DNAH1: variants seen among roughly 807,000 people sequenced by gnomAD.
DNAH1 encodes dynein axonemal heavy chain 1.
Under a neutral mutation model 484.3 loss-of-function variants are expected in DNAH1, and 327 were observed. The observed-to-expected ratio is 0.68, with a 90% CI of 0.62 to 0.74. DNAH1 has a LOEUF of 0.74. DNAH1 is among the 30% of genes least tolerant of loss of function. DNAH1 has a pLI of 0.00. For synonymous variants in DNAH1, 2,192 were observed against 2,191.9 expected (o/e 1.00, Z 0.00); for missense variants, 5,052 against 5,546.8 (o/e 0.91, Z 2.83).
rs1025157864 is a variant in DNAH1, at chr3:52,347,742, C to T, written c.1956-82C>T. On this transcript the variant is annotated intron_variant, in intron 11 of 77. Transcript: ENST00000420323. ...GCATGGAGAGGCTCAAGAGTCATAG[C>T]GCTGGCAGGAAGGGCAGAGGGCTGC... is the stretch of plus-strand genomic sequence containing the variant. 5.5e-5 allele frequency: 78 copies of T among 1,423,390 alleles called. 1 individual carries two copies. The highest frequency in any genetic ancestry group is 3.0e-4 in the Admixed American group (11 of 36,344). The allele number at this position is 1,423,390 out of a possible 1,614,324, so 88.2% of individuals were successfully genotyped here.
chr3:52,357,941 C>A lies in DNAH1; in HGVS notation c.4024C>A (p.Gln1342Lys), dbSNP rs1243160097. The A allele has an allele frequency of 6.2e-7, 1 of 1,613,160 alleles. No individual in the cohort carries two copies. The highest frequency in any genetic ancestry group is 1.3e-5 in the African/African-American group (1 of 74,942). Residue 1342 changes from glutamine (Q) to lysine (K), a missense_variant, in exon 24 of 78, where the codon CAG becomes AAG. Around this residue, in one of 4 missense-constraint regions of DNAH1, gnomAD observed 2,929 missense variants for 3,409.4 expected, o/e 0.86. Coordinates refer to ENST00000420323, the MANE Select transcript of DNAH1 (RefSeq NM_015512.5). ...TGATGAACTACTAGAGATCTTGTCG[C>A]AGACAAAGGACCCCACGGCCGTGCA... Reference protein sequence around the residue: ...SDDELLEILSQTKDPTAVQPH... With the variant: ...SDDELLEILSKTKDPTAVQPH...
In DNAH1 at chr3:52,369,909, C is replaced by G. The variant is rs2153224678; in HGVS notation, c.6028C>G (p.Pro2010Ala). ...VSRCGMVYLE[P>A]SILGLMPFIE... ...CCGCTGTGGCATGGTGTACCTGGAG[C>G]CCAGCATCCTGGGGCTCATGCCCTT... The change falls in exon 38 of 78, where the codon CCC (proline) becomes GCC (alanine). Residue 2010 changes from proline (P) to alanine (A), a missense_variant. By Grantham distance (27) the Pro-to-Ala change is conservative. Coordinates refer to ENST00000420323, the MANE Select transcript of DNAH1 (RefSeq NM_015512.5). 2.5e-6 allele frequency: 4 copies of G among 1,613,966 alleles called. No homozygotes were observed. Among genetic ancestry groups the G allele is most frequent in the Non-Finnish European group, 3.4e-6 (4 of 1,179,876 alleles).
rs372583710 is a variant in DNAH1 at position 52,357,960 on chromosome 3, C to T, written c.4043C>T (p.Ala1348Val). 2 of 1,612,940 alleles carry T rather than the reference C, an allele frequency of 1.2e-6. No homozygotes were observed. Among genetic ancestry groups the T allele is most frequent in the African/African-American group, 2.7e-5 (2 of 74,924 alleles). Residue 1348 changes from alanine (A) to valine (V), a missense_variant, in exon 24 of 78, where the codon GCC becomes GTC. Physicochemically the swap from Ala to Val is moderately conservative, Grantham distance 64 (BLOSUM62 0). Coordinates refer to ENST00000420323, the MANE Select transcript of DNAH1 (RefSeq NM_015512.5). ...TTGTCGCAGACAAAGGACCCCACGG[C>T]CGTGCAGCCACACCTGCGCAAGTGC... ...EILSQTKDPT[A>V]VQPHLRKCFE... is the part of the protein sequence containing the mutation.
chr3:52,391,434 C>A lies in DNAH1; in HGVS notation c.9892-9C>A. 1 of 1,606,802 alleles carries A rather than the reference C, an allele frequency of 6.2e-7. No individual in the cohort carries two copies. Among genetic ancestry groups the A allele is most frequent in the Non-Finnish European group, 8.5e-7 (1 of 1,176,768 alleles). On this transcript the variant is annotated splice_polypyrimidine_tract_variant and intron_variant, in intron 62 of 77. Coordinates refer to ENST00000420323, the MANE Select transcript of DNAH1 (RefSeq NM_015512.5). ...AGGCCACAGTACCCACCGGTCCCACCCACCACAGACGTACAAGCAGCAGGG... is the reference window on the plus strand; with the variant it reads ...AGGCCACAGTACCCACCGGTCCCACACACCACAGACGTACAAGCAGCAGGG...
At chr3:52,365,921 A>T (rs1169148190) in intron 34 of DNAH1, among the ~76,000 whole-genome samples, 1 of 152,218 alleles carries the variant, frequency 6.6e-6, no homozygotes, top group Non-Finnish European at 1.5e-5. Context: ...GTCCCTGGCT[A>T]ATTGGGCCCT....
rs552010170 is a variant in DNAH1 at position 52,335,097 on chromosome 3, T to A, written c.1286+2703T>A. ...TTACAGGCATGATCTATAAGCTTTTTAAAAAAATGTGTGATTTTTTTTTTT... is the reference window on the plus strand; with the variant it reads ...TTACAGGCATGATCTATAAGCTTTTAAAAAAAATGTGTGATTTTTTTTTTT... On this transcript the variant is annotated intron_variant, in intron 8 of 77. Transcript: ENST00000420323. Among the ~76,000 whole-genome samples the A allele has an allele frequency of 5.0e-4, 75 of 149,084 alleles. 1 individual carries two copies. The South Asian group carries it at 0.016, about 32-fold the overall frequency.
chr3:52,340,922 C>T (rs1701914366), intron 8 of DNAH1, among the ~76,000 whole-genome samples: 1 of 151,754 alleles, frequency 6.6e-6, no homozygotes, highest in African/African-American at 2.4e-5. Context: ...TCTAGTTGTG[C>T]TAAAGGTGTG....
At chr3:52,348,473 GCA>G (rs1312305163) in intron 12 of DNAH1, among the ~76,000 whole-genome samples, 5 of 152,132 alleles carry the variant, frequency 3.3e-5, no homozygotes, top group Non-Finnish European at 7.4e-5. Flanking sequence ...CACTGCCACT[GCA>G]CACACACCCA....
intron 8 of DNAH1, among the ~76,000 whole-genome samples, chr3:52,339,970 A>G (rs1270617108): frequency 1.3e-5 from 2 of 152,124 alleles, no homozygotes; most frequent in African/African-American, 2.4e-5. Context: ...CTCCTGTCCC[A>G]TAAGTCATAT....
In DNAH1 at chr3:52,344,492, T is replaced by C; in HGVS notation, c.1289T>C (p.Val430Ala). 6.2e-7 allele frequency: 1 copy of C among 1,613,550 alleles called. No individual in the cohort carries two copies. Among genetic ancestry groups the C allele is most frequent in the Non-Finnish European group, 8.5e-7 (1 of 1,179,638 alleles). The change falls in exon 9 of 78, where the codon GTT (valine) becomes GCT (alanine). Residue 430 changes from valine to alanine, a missense_variant and splice_region_variant. Physicochemically the swap from Val to Ala is moderately conservative, Grantham distance 64. Around this residue, in one of 4 missense-constraint regions of DNAH1, gnomAD observed 1,263 missense variants for 1,218.8 expected, o/e 1.04. Transcript: ENST00000420323. Reference protein sequence around the residue: ...STPRMRKGPSVLEHLSSLARE... With the variant: ...STPRMRKGPSALEHLSSLARE... ...CCATCTCCCATCTCTATGGGCAGGG[T>C]TCTAGAGCACCTCAGCAGTCTTGCC...
intron 22 of DNAH1, 131 bp from the exon 23 acceptor site, chr3:52,357,483 G>A (rs1702660536): frequency 8.1e-7 from 1 of 1,238,590 alleles, no homozygotes; most frequent in Non-Finnish European, 1.1e-6. Context: ...GGCTCAGGGA[G>A]AATTTTTCTG....
chr3:52,353,182 G>A lies in DNAH1; in HGVS notation c.3107G>A (p.Trp1036Ter), dbSNP rs1247282335. 1 of 1,614,002 alleles carries A rather than the reference G, an allele frequency of 6.2e-7. No homozygotes were observed. The highest frequency in any genetic ancestry group is 1.7e-5 in the Admixed American group (1 of 60,032). The change falls in exon 19 of 78, where the codon TGG becomes TAG. Residue 1036 changes from tryptophan (W) to a stop codon, truncating the protein, a stop_gained. Coordinates refer to ENST00000420323, the MANE Select transcript of DNAH1 (RefSeq NM_015512.5). LOFTEE classifies it high-confidence loss of function. This position sits in a 1 kb window ranked among gnomAD's most constrained non-coding sequence, Gnocchi z 5.0. ...LWTTASDWLR[W>*]SESWMNDPLS... is the part of the protein sequence containing the mutation. ...ACCACAGCGTCTGACTGGCTGCGCT[G>A]GTCGGAGAGCTGGATGAATGACCCC...
At chr3:52,382,137 T>G (rs1210654148) in intron 49 of DNAH1, among the ~76,000 whole-genome samples, 183 bp from the exon 50 acceptor site, 1 of 152,090 alleles carries the variant, frequency 6.6e-6, no homozygotes, top group Non-Finnish European at 1.5e-5. Context: ...GCATTTGGAC[T>G]GAGGGAACAA....
In DNAH1 at chr3:52,370,014, C is replaced by T. The variant is rs770199041; in HGVS notation, c.6133C>T (p.Leu2045=). Residue 2045 remains leucine (L), a synonymous_variant, in exon 38 of 78, where the codon CTG becomes TTG. Coordinates refer to ENST00000420323, the MANE Select transcript of DNAH1 (RefSeq NM_015512.5). The stretch of plus-strand genomic sequence containing the variant: ...TTTCAAGGCCCTCTTTGTCAGCTTC[C>T]TGGAGGTGAGTGAGGCCACGGGTAT... ...EHFKALFVSF[L]EESISFVRSS... 2 of 1,613,064 alleles carry T rather than the reference C, an allele frequency of 1.2e-6. No homozygotes were observed. The highest frequency in any genetic ancestry group is 1.7e-6 in the Non-Finnish European group (2 of 1,179,182).
At position 52,361,934 on chromosome 3, in the gene DNAH1, G is replaced by A. The variant is rs1702881077; in HGVS notation, c.4980+168G>A. ...AGTCTGTGGGCAGCTCCCAGGCCAA[G>A]CTGCGGGGGATGAAGGGGTCCCCTC... On this transcript the variant is annotated intron_variant, in intron 30 of 77. Transcript: ENST00000420323. This position sits in a 1 kb window ranked among gnomAD's most constrained non-coding sequence, Gnocchi z 5.6. Among the ~76,000 whole-genome samples, 1 of 152,234 alleles carries A rather than the reference G, an allele frequency of 6.6e-6. No individual in the cohort carries two copies. The highest frequency in any genetic ancestry group is 1.5e-5 in the Non-Finnish European group (1 of 68,032).
rs958159778 is a variant in DNAH1 at position 52,381,309 on chromosome 3, C to T, written c.7609-331C>T. On this transcript the variant is annotated intron_variant, in intron 48 of 77. Transcript: ENST00000420323. The surrounding 1 kb of genome is among the most constrained non-coding windows in gnomAD (Gnocchi z 4.1). ...TTATTTTTTGGTAGAGGCAGAGTTT[C>T]GCCATGTTGCCCAGGCTGGTGTTGA... Among the ~76,000 whole-genome samples, 3 of 152,150 alleles carry T rather than the reference C, an allele frequency of 2.0e-5. No homozygotes were observed. The highest frequency in any genetic ancestry group is 2.1e-4 in the South Asian group (1 of 4,820).
At chr3:52,328,114 G>C in intron 6 of DNAH1, 100 bp downstream of exon 6, 1 of 1,496,052 alleles carries the variant, frequency 6.7e-7, no homozygotes, top group South Asian at 1.3e-5. Flanking sequence ...CACCGGAGGC[G>C]AGGGGTCTTT....
At chr3:52,396,284 A>G in intron 70 of DNAH1, 84 bp from the exon 71 acceptor site, 1 of 1,456,346 alleles carries the variant, frequency 6.9e-7, no homozygotes, top group Non-Finnish European at 9.2e-7. Flanking sequence ...GACCCACCTC[A>G]GGGTCCCTGG....
At chr3:52,360,250 A>G (rs528913699) in intron 27 of DNAH1, 61 bp from the exon 28 acceptor site, 36 of 1,539,832 alleles carry the variant, frequency 2.3e-5, no homozygotes, top group Admixed American at 5.1e-5. Flanking sequence ...CTCCTTGACT[A>G]TATACCCTGC....
Sources: allele counts gnomAD v4.1 joint callset (sites outside exome capture counted in the v4.1 genomes callset), GRCh38; gene constraint gnomAD v4.1.1; regional missense constraint gnomAD v4.1.1; non-coding constraint Gnocchi (gnomAD v3.1); transcripts MANE v1.5; gene names NCBI Gene and HGNC (gene_info 2026-07-23, HGNC 2026-07-21).